TCF25: variants seen among roughly 807,000 people sequenced by gnomAD.
TCF25 encodes the protein ribosome quality control complex subunit TCF25.
Under a neutral mutation model 83.1 loss-of-function variants are expected in TCF25, and 41 were observed. The observed-to-expected ratio is 0.49, with a 90% CI of 0.38 to 0.64. The LOEUF is 0.64. Among genes scored for constraint, TCF25 ranks in the 30% least tolerant of loss-of-function variants. The pLI is 0.00. For synonymous variants in TCF25, 458 were observed against 365.0 expected (o/e 1.25, Z -2.90); for missense variants, 979 against 914.5 (o/e 1.07, Z -0.91).
rs2044591964 is a variant in TCF25 at position 89,904,306 on chromosome 16, G to A, written c.1469+101G>A. ...AGAGGCCCTGAGGGACCTGCTTCCA[G>A]CAGCAGGAGGGGCTGTGGTGGCGGC... On this transcript the variant is annotated intron_variant, in intron 13 of 17. Coordinates refer to ENST00000263346, the MANE Select transcript of TCF25 (RefSeq NM_014972.3). 9.2e-6 allele frequency: 12 copies of A among 1,309,934 alleles called. No individual in the cohort carries two copies. The South Asian group carries it at 1.4e-4, about 15-fold the overall frequency. The allele number at this position is 1,309,934 out of a possible 1,614,324, so 81.1% of individuals were successfully genotyped here.
At chr16:89,906,374 T>A in intron 15 of TCF25, 90 bp downstream of exon 15, 1 of 1,307,946 alleles carries the variant, frequency 7.6e-7, no homozygotes, top group Non-Finnish European at 1.1e-6. Flanking sequence ...CAGGCGTGCG[T>A]GGTGCGGGCT....
rs2045538733 is a variant in TCF25, at chr16:89,911,350, ACT to A, written c.*113_*114del. On this transcript the variant is annotated 3_prime_UTR_variant, in exon 18 of 18. Coordinates refer to ENST00000263346, the MANE Select transcript of TCF25 (RefSeq NM_014972.3). ...AGCTGAGTGTGTCGCTCCCTGGTCC[ACT>A]GTTTCTCCTATAAATGTAAATGGGT... 7.2e-7 allele frequency: 1 copy of A among 1,395,924 alleles called. No homozygotes were observed. Among genetic ancestry groups the A allele is most frequent in the South Asian group, 1.3e-5 (1 of 77,576 alleles). The allele number at this position is 1,395,924 out of a possible 1,614,324, so 86.5% of individuals were successfully genotyped here.
At chr16:89,882,462 A>G (rs565735517) in intron 1 of TCF25, among the ~76,000 whole-genome samples, 1 of 152,264 alleles carries the variant, frequency 6.6e-6, no homozygotes, top group East Asian at 1.9e-4. Flanking sequence ...GCTTGAACCC[A>G]GGAGGCCAAG....
At chr16:89,898,188 C>T (rs930299649) in intron 9 of TCF25, among the ~76,000 whole-genome samples, 2 of 152,176 alleles carry the variant, frequency 1.3e-5, no homozygotes, top group South Asian at 2.1e-4. Context: ...ACAAGGAGAG[C>T]GCACACCTCC....
intron 13 of TCF25, chr16:89,904,467 C>T (rs952327077): frequency 2.9e-5 from 16 of 549,746 alleles, no homozygotes; most frequent in Non-Finnish European, 3.9e-5. Flanking sequence ...GCGGCACATG[C>T]CTGTAATCTC....
chr16:89,875,743 C>T (rs993503407), intron 1 of TCF25, among the ~76,000 whole-genome samples: 20 of 148,990 alleles, frequency 1.3e-4, no homozygotes, highest in East Asian at 5.9e-4. Flanking sequence ...AGGATGGTCT[C>T]GATCTCCTGA....
At chr16:89,895,558 C>T (rs905545903) in intron 8 of TCF25, among the ~76,000 whole-genome samples, 10 of 152,232 alleles carry the variant, frequency 6.6e-5, no homozygotes, top group South Asian at 4.1e-4. Context: ...ACTGTAGCGT[C>T]GATCAGAACG....
At chr16:89,894,363 G>GGACGGTCCCCGCGCAGCCCCA (rs2043670797) in intron 7 of TCF25, among the ~76,000 whole-genome samples, 1 of 149,244 alleles carries the variant, frequency 6.7e-6, no homozygotes, top group African/African-American at 2.5e-5. Flanking sequence ...TTGCAGCCCC[G>GGACGGTCCCCGCGCAGCCCCA]GACGGCCCCC....
chr16:89,901,136 C>T (rs926709586), intron 12 of TCF25: 6 of 216,946 alleles, frequency 2.8e-5, no homozygotes, highest in Non-Finnish European at 4.7e-5. Flanking sequence ...TCGGCAGCGC[C>T]GAGGTGTGGC....
intron 13 of TCF25, 115 bp downstream of exon 13, chr16:89,904,320 T>C: frequency 5.0e-6 from 6 of 1,197,202 alleles, no homozygotes; most frequent in Non-Finnish European, 4.8e-6. Context: ...CAGGAGGGGC[T>C]GTGGTGGCGG....
intron 10 of TCF25, 51 bp downstream of exon 10, chr16:89,898,700 AG>A (rs2044083266): frequency 6.2e-7 from 1 of 1,611,148 alleles, no homozygotes; most frequent in Non-Finnish European, 8.5e-7. Flanking sequence ...TCCTGGCTGC[AG>A]GCCCACTCTC....
At chr16:89,898,112 A>T (rs2044008279) in intron 9 of TCF25, among the ~76,000 whole-genome samples, 2 of 152,276 alleles carry the variant, frequency 1.3e-5, no homozygotes, top group South Asian at 4.1e-4. Context: ...CCGTCTCAAA[A>T]AAAAAAAAAA....
intron 12 of TCF25, among the ~76,000 whole-genome samples, chr16:89,903,005 G>A (rs939917360): frequency 2.0e-5 from 3 of 152,172 alleles, no homozygotes; most frequent in Non-Finnish European, 2.9e-5. Context: ...CAGTCTGCTC[G>A]CTGACCCCAA....
chr16:89,896,191 G>T, intron 9 of TCF25, 108 bp downstream of exon 9: 1 of 958,988 alleles, frequency 1.0e-6, no homozygotes. Context: ...GGGTGGACCA[G>T]GGCCCACAGG....
chr16:89,883,601 G>C (rs1317135445), intron 2 of TCF25, 89 bp downstream of exon 2: 2 of 1,430,482 alleles, frequency 1.4e-6, no homozygotes, highest in African/African-American at 2.9e-5. Flanking sequence ...ATTTTCCTTG[G>C]AGGTGTAATT....
chr16:89,907,108 T>G, intron 15 of TCF25, 135 bp from the exon 16 acceptor site: 3 of 888,336 alleles, frequency 3.4e-6, no homozygotes, highest in Non-Finnish European at 1.8e-6. Context: ...GCACAGCCGT[T>G]TCTGTCAGAC....
chr16:89,898,957 G>A, intron 11 of TCF25, 85 bp downstream of exon 11: 1 of 1,271,440 alleles, frequency 7.9e-7, no homozygotes, highest in African/African-American at 1.5e-5. Context: ...TGTGCGCTCA[G>A]GGGACGTTTG....
intron 12 of TCF25, 31 bp downstream of exon 12, chr16:89,900,825 G>T: frequency 2.6e-6 from 4 of 1,538,862 alleles, no homozygotes; most frequent in Non-Finnish European, 3.6e-6. Context: ...GCCTGGGGTA[G>T]GGGTGTGTCC....
intron 16 of TCF25, chr16:89,909,011 C>T (rs1185302922): frequency 7.8e-7 from 1 of 1,289,434 alleles, no homozygotes; most frequent in Non-Finnish European, 1.0e-6. Context: ...GGTCACAGCT[C>T]TGCGTTTGCA....
Sources: allele counts gnomAD v4.1 joint callset (sites outside exome capture counted in the v4.1 genomes callset), GRCh38; gene constraint gnomAD v4.1.1; transcripts MANE v1.5; gene names NCBI Gene and HGNC (gene_info 2026-07-23, HGNC 2026-07-21).